The following ENKD1 variants were observed in gnomAD, a reference collection of about 807,000 sequenced individuals.
ENKD1 encodes enkurin domain-containing protein 1.
ENKD1 carries 39 observed loss-of-function variants against 35.8 expected under a neutral mutation model. The observed-to-expected ratio is 1.09, with a 90% CI of 0.84 to 1.42. The LOEUF (loss-of-function observed/expected upper bound fraction) is 1.42. Among genes scored for constraint, ENKD1 ranks in the 40% most tolerant of loss-of-function variants. The pLI, the probability that ENKD1 is intolerant of heterozygous loss-of-function variation, is 0.00. For synonymous variants in ENKD1, 205 were observed against 198.6 expected, an observed-to-expected ratio of 1.03 and a Z score of -0.27; for missense variants, 474 against 471.3, an observed-to-expected ratio of 1.01 and a Z score of -0.05.
In ENKD1 at chr16:67,665,105, A is replaced by G; in HGVS notation, c.344T>C (p.Phe115Ser). Reference protein sequence around the residue: ...LRRIREIQKRFREQERSREQG... With the variant: ...LRRIREIQKRSREQERSREQG... ...CTCCCGGCTGCGCTCCTGTTCTCTG[A>G]AGCGCTTCTGAATCTCCCTGATCCG... The change falls in exon 3 of 7, where the codon TTC becomes TCC. Residue 115 changes from phenylalanine to serine, a missense_variant. Coordinates refer to ENST00000243878, the MANE Select transcript of ENKD1 (RefSeq NM_032140.3). 1 of 1,613,818 alleles carries G rather than the reference A, an allele frequency of 6.2e-7. No homozygotes were observed. The highest frequency in any genetic ancestry group is 1.7e-5 in the Admixed American group (1 of 59,986).
rs1022784120 is a variant in ENKD1, at chr16:67,666,602, C to T, written c.-160G>A. 1.3e-5 allele frequency: 8 copies of T among 628,686 alleles called. No homozygotes were observed. Among genetic ancestry groups the T allele is most frequent in the African/African-American group, 2.0e-5 (1 of 51,116 alleles). 38.9% of individuals were successfully genotyped at this position (628,686 alleles called of 1,614,324 possible). On this transcript the variant is annotated 5_prime_UTR_variant, in exon 1 of 7. Coordinates refer to ENST00000243878, the MANE Select transcript of ENKD1 (RefSeq NM_032140.3). ...CCCCTGCCGGTCCCCGCCTGGGCCCCGGCCTCGCTCGCCACCTCCGCGACC... is the reference window on the plus strand; with the variant it reads ...CCCCTGCCGGTCCCCGCCTGGGCCCTGGCCTCGCTCGCCACCTCCGCGACC...
Position 67,663,134 on chromosome 16 carries a change from C to T in ENKD1, c.*27G>A, listed in dbSNP as rs1305658385. ...CCATGTGGCGATCCTCAGCATGGAG[C>T]TCCTTGCCACTGTCCCCCAAAGGGG... On this transcript the variant is annotated 3_prime_UTR_variant, in exon 7 of 7. Transcript: ENST00000243878. 6 of 1,612,766 alleles carry T rather than the reference C, an allele frequency of 3.7e-6. No homozygotes were observed. Among genetic ancestry groups the T allele is most frequent in the Non-Finnish European group, 4.2e-6 (5 of 1,179,506 alleles).
Position 67,666,717 on chromosome 16 carries a change from C to A in ENKD1, c.-275G>T. On this transcript the variant is annotated 5_prime_UTR_variant, in exon 1 of 7. Coordinates refer to ENST00000243878, the MANE Select transcript of ENKD1 (RefSeq NM_032140.3). ...TCACTCGAGAGGTTTTGCCGCCAGC[C>A]GCTGCCACCCGACGGGACTTGTTGT... is the stretch of plus-strand genomic sequence containing the variant. 1 of 482,596 alleles carries A rather than the reference C, an allele frequency of 2.1e-6. No homozygotes were observed. Among genetic ancestry groups the A allele is most frequent in the Non-Finnish European group, 3.6e-6 (1 of 278,226 alleles). 29.9% of individuals were successfully genotyped at this position (482,596 alleles called of 1,614,324 possible).
rs775855785 is a variant in ENKD1 at position 67,666,378 on chromosome 16, T to C, written c.65A>G (p.Asn22Ser). The change falls in exon 1 of 7, where the codon AAC (asparagine) becomes AGC (serine). Residue 22 changes from asparagine to serine, a missense_variant. Coordinates refer to ENST00000243878, the MANE Select transcript of ENKD1 (RefSeq NM_032140.3). ...CTCACCCGAGGTCGGCCGCCTGTAG[T>C]TGTCAGGACAGAGCGTCGGGTCTGG... ...IPPDPTLCPDNYRRPTSAQGR... is the reference protein window; with the variant it reads ...IPPDPTLCPDSYRRPTSAQGR... 7.0e-6 allele frequency: 11 copies of C among 1,577,860 alleles called. No homozygotes were observed. Among genetic ancestry groups the C allele is most frequent in the Admixed American group, 1.8e-5 (1 of 56,576 alleles).
rs759144896 is a variant in ENKD1, at chr16:67,663,638, G to A, written c.743+19C>T. 1.0e-4 allele frequency: 166 copies of A among 1,606,486 alleles called. No individual in the cohort carries two copies. The highest frequency in any genetic ancestry group is 1.3e-4 in the Non-Finnish European group (149 of 1,174,748). ...TCCACAGGTGTCCTTCACCCTGAGT[G>A]TCGGGCAGTGAGACCTACTAATGTG... On this transcript the variant is annotated intron_variant, in intron 5 of 6. Coordinates refer to ENST00000243878, the MANE Select transcript of ENKD1 (RefSeq NM_032140.3).
At chr16:67,665,269 A>G in intron 2 of ENKD1, 101 bp from the exon 3 acceptor site, 1 of 1,390,186 alleles carries the variant, frequency 7.2e-7, no homozygotes, top group Non-Finnish European at 9.7e-7. Context: ...CTACAGAAAG[A>G]GCTCCCTGAC....
At chr16:67,666,020 C>G (rs2053096311) in intron 2 of ENKD1, 51 bp downstream of exon 2, 1 of 1,573,296 alleles carries the variant, frequency 6.4e-7, no homozygotes, top group Non-Finnish European at 8.7e-7. Context: ...CTTTTGATCT[C>G]TTTCCACCCC....
chr16:67,664,063 C>G lies in ENKD1; in HGVS notation c.454-1G>C. ...CTGTCCCAGAGGCAGGGCCAGGCTCCTGGAGGGCAGGGCACAGCAGAGAGA... is the reference window on the plus strand; with the variant it reads ...CTGTCCCAGAGGCAGGGCCAGGCTCGTGGAGGGCAGGGCACAGCAGAGAGA... On this transcript the variant is annotated splice_acceptor_variant, in intron 3 of 6. Coordinates refer to ENST00000243878, the MANE Select transcript of ENKD1 (RefSeq NM_032140.3). LOFTEE classifies it high-confidence loss of function. 1 of 1,555,548 alleles carries G rather than the reference C, an allele frequency of 6.4e-7. No homozygotes were observed. The highest frequency in any genetic ancestry group is 2.4e-5 in the East Asian group (1 of 41,448).
At position 67,663,294 on chromosome 16, in the gene ENKD1, A is replaced by C. The variant is rs1307880787; in HGVS notation, c.908T>G (p.Val303Gly). 6.2e-7 allele frequency: 1 copy of C among 1,613,678 alleles called. No homozygotes were observed. Among genetic ancestry groups the C allele is most frequent in the African/African-American group, 1.3e-5 (1 of 75,060 alleles). Residue 303 changes from valine (V) to glycine (G), a missense_variant, in exon 7 of 7, where the codon GTA becomes GGA. Val to Gly is a moderately radical substitution (Grantham distance 109). Coordinates refer to ENST00000243878, the MANE Select transcript of ENKD1 (RefSeq NM_032140.3). ...TGAGTCTGCCCCAGCAGGCAGCAGT[A>C]CCAGCTCACGCAGCAGCTGGCTCTG... Reference protein sequence around the residue: ...QSQSQLLRELVLLPAGADSLR... With the variant: ...QSQSQLLRELGLLPAGADSLR...
Position 67,663,810 on chromosome 16 carries a change from A to C in ENKD1, c.590T>G (p.Leu197Arg). The C allele has an allele frequency of 6.2e-7, 1 of 1,605,802 alleles. No homozygotes were observed. ...ATTGTGACGAATGAAGTCCACCCCC[A>C]GGCCTGGCTCCTGCAGGACACAGCA... ...PPGPEAKEPG[L>R]GVDFIRHNAR... The change falls in exon 5 of 7, where the codon CTG becomes CGG. Residue 197 changes from leucine to arginine, a missense_variant. By Grantham distance (102) the Leu-to-Arg change is moderately radical. Coordinates refer to ENST00000243878, the MANE Select transcript of ENKD1 (RefSeq NM_032140.3).
In ENKD1 at chr16:67,666,544, C is replaced by A; in HGVS notation, c.-102G>T. On this transcript the variant is annotated 5_prime_UTR_variant, in exon 1 of 7. Transcript: ENST00000243878. ...ACCCCGGGCCCCCTCCCTCGCCCGGCACCCTGACCCTGGCGTGCCCGCCAC... is the reference window on the plus strand; with the variant it reads ...ACCCCGGGCCCCCTCCCTCGCCCGGAACCCTGACCCTGGCGTGCCCGCCAC... 8.8e-7 allele frequency: 1 copy of A among 1,133,302 alleles called. No individual in the cohort carries two copies. Among genetic ancestry groups the A allele is most frequent in the Non-Finnish European group, 1.2e-6 (1 of 851,272 alleles). 70.2% of individuals were successfully genotyped at this position (1,133,302 alleles called of 1,614,324 possible). A position where few individuals can be genotyped will look rare whatever the true frequency, so the allele number is the denominator to read the frequency against.
chr16:67,663,431 T>C lies in ENKD1; in HGVS notation c.869A>G (p.Lys290Arg), dbSNP rs776337430. ...PENQRLETLT[K>R]LLQSQSQLLR... ...GCCCAGGTACTCACTCTGGAGCAGC[T>C]TGGTCAGTGTTTCCAGCCGCTGGTT... The change falls in exon 6 of 7, where the codon AAG (lysine) becomes AGG (arginine). Residue 290 changes from lysine (K) to arginine (R), a missense_variant. Transcript: ENST00000243878. 1 of 1,613,220 alleles carries C rather than the reference T, an allele frequency of 6.2e-7. No individual in the cohort carries two copies. Among genetic ancestry groups the C allele is most frequent in the Non-Finnish European group, 8.5e-7 (1 of 1,179,882 alleles).
At chr16:67,664,837 C>A in intron 3 of ENKD1, 159 bp downstream of exon 3, 1 of 868,070 alleles carries the variant, frequency 1.2e-6, no homozygotes, top group Non-Finnish European at 1.7e-6. Flanking sequence ...ACCATCACTA[C>A]TTCTGAGAAG....
rs760037096 is a variant in ENKD1, at chr16:67,663,792, C to T, written c.608G>A (p.Arg203His). 1.2e-5 allele frequency: 20 copies of T among 1,607,350 alleles called. No individual in the cohort carries two copies. Among genetic ancestry groups the T allele is most frequent in the Admixed American group, 1.7e-5 (1 of 59,240 alleles). ...TCTCTTGGCAGCTCGTGCATTGTGACGAATGAAGTCCACCCCCAGGCCTGG... is the reference window on the plus strand; with the variant it reads ...TCTCTTGGCAGCTCGTGCATTGTGATGAATGAAGTCCACCCCCAGGCCTGG... ...KEPGLGVDFI[R>H]HNARAAKRAP... The change falls in exon 5 of 7, where the codon CGT becomes CAT. Residue 203 changes from arginine (R) to histidine (H), a missense_variant. Coordinates refer to ENST00000243878, the MANE Select transcript of ENKD1 (RefSeq NM_032140.3).
chr16:67,666,133 C>T lies in ENKD1; in HGVS notation c.218G>A (p.Gly73Asp), dbSNP rs778920623. The T allele has an allele frequency of 7.4e-6, 12 of 1,612,704 alleles. No homozygotes were observed. Among genetic ancestry groups the T allele is most frequent in the South Asian group, 2.2e-5 (2 of 91,088 alleles). Residue 73 changes from glycine (G) to aspartate (D), a missense_variant, in exon 2 of 7, where the codon GGC (glycine) becomes GAC (aspartate). Gly to Asp is a moderately conservative substitution (Grantham distance 94). Transcript: ENST00000243878. ...AGEILERGQR[G>D]VGDVLLQLEG... ...GAGTTGCAACAGCACGTCCCCGACGCCGCGCTGGCCGCGCTCCAGGATCTC... is the reference window on the plus strand; with the variant it reads ...GAGTTGCAACAGCACGTCCCCGACGTCGCGCTGGCCGCGCTCCAGGATCTC...
Position 67,666,208 on chromosome 16 carries a change from G to A in ENKD1, c.143C>T (p.Ala48Val), listed in dbSNP as rs1312379276. 3.1e-6 allele frequency: 5 copies of A among 1,610,200 alleles called. No homozygotes were observed. In the East Asian group the frequency reaches 6.7e-5, roughly 22 times the overall value. ...GCCACGGGGAGCGGTGGTGTCCAGG[G>A]CCCGGTCGGAAGTCAGCAAGTCCAG... Reference protein sequence around the residue: ...LKLDLLTSDRALDTTAPRGPC... With the variant: ...LKLDLLTSDRVLDTTAPRGPC... Residue 48 changes from alanine (A) to valine (V), a missense_variant, in exon 2 of 7, where the codon GCC becomes GTC. Physicochemically the swap from Ala to Val is moderately conservative, Grantham distance 64 (BLOSUM62 0). Coordinates refer to ENST00000243878, the MANE Select transcript of ENKD1 (RefSeq NM_032140.3).
Position 67,666,255 on chromosome 16 carries a change from G to A in ENKD1, c.96C>T (p.Arg32=). 6.2e-7 allele frequency: 1 copy of A among 1,602,708 alleles called. No homozygotes were observed. Among genetic ancestry groups the A allele is most frequent in the Non-Finnish European group, 8.5e-7 (1 of 1,174,388 alleles). ...NYRRPTSAQG[R]LEGNALKLDL... ...CCAGCTTCAGCGCGTTTCCCTCGAG[G>A]CGCCCTTGAGCTGTGGGGCGGAGCC... The change falls in exon 2 of 7, where the codon CGC becomes CGT. Residue 32 remains arginine (R), a synonymous_variant. Coordinates refer to ENST00000243878, the MANE Select transcript of ENKD1 (RefSeq NM_032140.3).
Position 67,666,589 on chromosome 16 carries a change from C to T in ENKD1, c.-147G>A, listed in dbSNP as rs2053107538. The T allele has an allele frequency of 1.4e-6, 1 of 697,520 alleles. No homozygotes were observed. Among genetic ancestry groups the T allele is most frequent in the Non-Finnish European group, 2.2e-6 (1 of 461,172 alleles). The allele number at this position is 697,520 out of a possible 1,614,324, so 43.2% of individuals were successfully genotyped here. On this transcript the variant is annotated 5_prime_UTR_variant, in exon 1 of 7. Transcript: ENST00000243878. ...CGCCACTCCCGGGCCCCTGCCGGTC[C>T]CCGCCTGGGCCCCGGCCTCGCTCGC...
At position 67,666,426 on chromosome 16, in the gene ENKD1, G is replaced by A; in HGVS notation, c.17C>T (p.Ser6Phe). The change falls in exon 1 of 7, where the codon TCC (serine) becomes TTC (phenylalanine). Residue 6 changes from serine (S) to phenylalanine (F), a missense_variant. Coordinates refer to ENST00000243878, the MANE Select transcript of ENKD1 (RefSeq NM_032140.3). ...TGGGGGGATGGGCCCCGAGATGCGG[G>A]ACGGGCCCTCGCACATGCCGCCGGC... MCEGPSRISGPIPPDP... is the reference protein window; with the variant it reads MCEGPFRISGPIPPDP... 6.5e-7 allele frequency: 1 copy of A among 1,541,022 alleles called. No individual in the cohort carries two copies. Among genetic ancestry groups the A allele is most frequent in the Middle Eastern group, 2.3e-4 (1 of 4,422 alleles).
Sources: allele counts gnomAD v4.1 joint callset, GRCh38; gene constraint gnomAD v4.1.1; transcripts MANE v1.5; gene names NCBI Gene and HGNC (gene_info 2026-07-23, HGNC 2026-07-21).